The following TEX11 variants were observed in gnomAD, a reference collection of about 807,000 sequenced individuals.
TEX11 encodes testis expressed 11.
Under a neutral mutation model 84.4 loss-of-function variants are expected in TEX11, and 7 were observed. The observed-to-expected ratio is 0.08, with a 90% CI of 0.05 to 0.16. The LOEUF (loss-of-function observed/expected upper bound fraction) is 0.16, where lower values mean the gene tolerates loss of function less well. Among genes scored for constraint, TEX11 ranks in the 10% least tolerant of loss-of-function variants. TEX11 has a pLI of 1.00. For missense variants in TEX11, 551 were observed against 660.5 expected (o/e 0.83, Z 1.82); for synonymous variants, 264 against 222.8 (o/e 1.18, Z -1.64).
intron 7 of TEX11, among the ~76,000 whole-genome samples, chrX:70,834,731 T>C (rs890974489): frequency 9.7e-6 from 1 of 103,018 alleles, no homozygotes; most frequent in Non-Finnish European, 2.0e-5. Flanking sequence ...GCCATTGCAC[T>C]CCAGCCTGGG....
chrX:70,762,593 A>C (rs2090915694), intron 9 of TEX11, among the ~76,000 whole-genome samples: 1 of 110,932 alleles, frequency 9.0e-6, no homozygotes, highest in African/African-American at 3.3e-5. Context: ...ACTCCTTATA[A>C]GGATCTAATA....
chrX:70,792,315 AATATATAT>A (rs1556087562), intron 9 of TEX11, among the ~76,000 whole-genome samples: 1 of 14,914 alleles, frequency 6.7e-5, no homozygotes, highest in Non-Finnish European at 1.0e-4. Context: ...AAAAAAAAAA[AATATATAT>A]ATATATATAT....
chrX:70,740,275 C>T (rs186296155), intron 11 of TEX11, among the ~76,000 whole-genome samples: 98 of 111,371 alleles, frequency 8.8e-4, no homozygotes, highest in South Asian at 1.9e-3. Flanking sequence ...CTCGCAGATT[C>T]GGTGTCTGGT....
chrX:70,865,608 A>C (rs2091595051), intron 4 of TEX11, among the ~76,000 whole-genome samples: 1 of 111,862 alleles, frequency 8.9e-6, no homozygotes, highest in African/African-American at 3.3e-5. Context: ...TCAGCACCAT[A>C]TAGCACTTAT....
chrX:70,816,029 C>G (rs180800924), intron 8 of TEX11, among the ~76,000 whole-genome samples: 40 of 110,941 alleles, frequency 3.6e-4, no homozygotes, highest in African/African-American at 1.2e-3. Context: ...ACCCATCAAC[C>G]GAGTAGTATA....
chrX:70,897,187 A>AGC (rs1556240653), intron 2 of TEX11, among the ~76,000 whole-genome samples: 1 of 46,634 alleles, frequency 2.1e-5, no homozygotes, highest in Non-Finnish European at 5.6e-5. Flanking sequence ...TGTTATATAT[A>AGC]ATATATGTTA....
intron 9 of TEX11, among the ~76,000 whole-genome samples, chrX:70,750,933 A>AAAAAATATATATATATATATAT (rs1390175136): frequency 3.5e-5 from 1 of 28,190 alleles, no homozygotes; most frequent in Non-Finnish European, 7.0e-5. Flanking sequence ...AAAAAAAAAA[A>AAAAAATATATATATATATATAT]ATATATATAT....
intron 16 of TEX11, among the ~76,000 whole-genome samples, chrX:70,652,472 T>C (rs1417723131): frequency 8.9e-6 from 1 of 112,006 alleles, no homozygotes; most frequent in Non-Finnish European, 1.9e-5. Context: ...AAAACACCTA[T>C]GTTTTCAAAG....
At chrX:70,849,508 A>G (rs920876016) in intron 7 of TEX11, among the ~76,000 whole-genome samples, 1 of 112,066 alleles carries the variant, frequency 8.9e-6, no homozygotes, top group Non-Finnish European at 1.9e-5. Context: ...AACTTAATAA[A>G]TAATAAAGCA....
intron 14 of TEX11, 97 bp from the exon 15 acceptor site, chrX:70,678,986 C>T: frequency 1.5e-6 from 1 of 675,099 alleles, no homozygotes; most frequent in Non-Finnish European, 2.2e-6. Flanking sequence ...TCTCCCTCTC[C>T]CTCTCTCCAC....
At chrX:70,794,447 A>G (rs777025168) in intron 9 of TEX11, among the ~76,000 whole-genome samples, 96 of 110,732 alleles carry the variant, frequency 8.7e-4, no homozygotes, top group African/African-American at 3.0e-3. Flanking sequence ...CCTTGTGGGT[A>G]TGGAGTCAGT....
the TEX11 span, among the ~76,000 whole-genome samples, chrX:70,517,656 T>C: frequency 8.9e-6 from 1 of 111,848 alleles, no homozygotes; most frequent in Non-Finnish European, 1.9e-5. Flanking sequence ...TACGGAGGAT[T>C]CCTTCTTTTT....
chrX:70,565,532 T>A (rs1335219377), intron 25 of TEX11, among the ~76,000 whole-genome samples: 2 of 111,499 alleles, frequency 1.8e-5, no homozygotes, highest in African/African-American at 6.5e-5. Flanking sequence ...TTTTTACGGT[T>A]TTAGGTCTAA....
chrX:70,821,756 T>C (rs1467372638), intron 8 of TEX11, among the ~76,000 whole-genome samples: 2 of 112,061 alleles, frequency 1.8e-5, no homozygotes, highest in Non-Finnish European at 3.8e-5. Flanking sequence ...ATGACTATTA[T>C]CAAAAAGTCA....
intron 8 of TEX11, among the ~76,000 whole-genome samples, chrX:70,825,339 T>TTA (rs1179764058): frequency 1.9e-5 from 2 of 107,491 alleles, no homozygotes; most frequent in South Asian, 4.0e-4. Flanking sequence ...ACACATATAT[T>TTA]TATATATATG....
intron 13 of TEX11, among the ~76,000 whole-genome samples, chrX:70,690,362 C>T (rs777828640): frequency 2.0e-4 from 22 of 111,565 alleles, no homozygotes; most frequent in Non-Finnish European, 4.1e-4. Flanking sequence ...TTTGTACTAT[C>T]TTCCCAATTT....
At chrX:70,521,836 G>A in the TEX11 span, among the ~76,000 whole-genome samples, 2 of 111,090 alleles carry the variant, frequency 1.8e-5, no homozygotes, top group African/African-American at 3.3e-5. Flanking sequence ...AAAAGAGTGA[G>A]GACAGGTCTG....
At chrX:70,847,742 C>G (rs1274093824) in intron 7 of TEX11, among the ~76,000 whole-genome samples, 1 of 110,363 alleles carries the variant, frequency 9.1e-6, no homozygotes, top group Non-Finnish European at 1.9e-5. Flanking sequence ...TAGGGTCTAG[C>G]TATGTTGCCC....
chrX:70,592,148 A>G (rs1049116234), intron 24 of TEX11, among the ~76,000 whole-genome samples: 1 of 111,751 alleles, frequency 8.9e-6, no homozygotes, highest in Non-Finnish European at 1.9e-5. Context: ...AATCATCATA[A>G]CTAGTGAAAA....
Sources: gnomAD v4.1 joint callset for allele counts (sites outside exome capture counted in the v4.1 genomes callset) on GRCh38, gnomAD v4.1.1 for gene constraint, MANE v1.5 for transcripts, NCBI Gene and HGNC (gene_info 2026-07-23, HGNC 2026-07-21) for gene names.